PLCB2: variants seen among roughly 807,000 people sequenced by gnomAD.
PLCB2 encodes the protein phospholipase C beta 2.
In PLCB2, 115 loss-of-function variants were observed where a neutral mutation model predicts 141.7. That is an observed-to-expected ratio of 0.81 (90% CI 0.70 to 0.95). The LOEUF (loss-of-function observed/expected upper bound fraction) is 0.95, where lower values mean the gene tolerates loss of function less well. PLCB2 is among the 40% of genes least tolerant of loss of function. PLCB2 has a pLI of 0.00. For synonymous variants in PLCB2, 603 were observed against 595.6 expected (o/e 1.01, Z -0.18); for missense variants, 1,403 against 1,541.1 (o/e 0.91, Z 1.50).
At position 40,295,220 on chromosome 15, in the gene PLCB2, C is replaced by G. The variant is rs2040145105; in HGVS notation, c.1762G>C (p.Ala588Pro). 1 of 1,613,902 alleles carries G rather than the reference C, an allele frequency of 6.2e-7. No homozygotes were observed. Among genetic ancestry groups the G allele is most frequent in the South Asian group, 1.1e-5 (1 of 91,074 alleles). The change falls in exon 17 of 32, where the codon GCC becomes CCC. Residue 588 changes from alanine (A) to proline (P), a missense_variant. This residue lies in a region of PLCB2 where 975 missense variants were observed against 1,141.1 expected (regional missense o/e 0.85). Transcript: ENST00000260402. ...ELKAYDLLSK[A>P]SVQFVDYNKR... ...GGATACTCCACAAACTGCACCGAGG[C>G]CTTGGAGAGCAGGTCATATGCCTTG...
rs1315710639 is a variant in PLCB2 at position 40,292,930 on chromosome 15, A to G, written c.2322T>C (p.Asn774=). The G allele has an allele frequency of 1.3e-6, 2 of 1,598,762 alleles. No individual in the cohort carries two copies. The highest frequency in any genetic ancestry group is 1.1e-5 in the South Asian group (1 of 89,694). The change falls in exon 21 of 32, where the codon AAT becomes AAC. Residue 774 remains asparagine, a synonymous_variant. Coordinates refer to ENST00000260402, the MANE Select transcript of PLCB2 (RefSeq NM_004573.3). ...GTGAAGGACCCCACTCCTTACCAGA[A>G]TTTAGGGCATTGATGGGGATGATGC... The part of the protein sequence containing the change: ...GHRIIPINAL[N]SGYHHLCLHS...
chr15:40,303,217 A>G (rs2040611433), intron 3 of PLCB2, 71 bp downstream of exon 3: 6 of 1,141,856 alleles, frequency 5.3e-6, no homozygotes, highest in Admixed American at 3.4e-5. Flanking sequence ...CCACCCGCAC[A>G]GGGACCCCTG....
At chr15:40,301,350 C>T in intron 7 of PLCB2, 1 of 585,492 alleles carries the variant, frequency 1.7e-6, no homozygotes, top group African/African-American at 1.9e-5. Flanking sequence ...TGAAGCCTAG[C>T]TCAGGGCCAT....
intron 1 of PLCB2, among the ~76,000 whole-genome samples, chr15:40,307,112 C>T (rs1311006356): frequency 4.6e-5 from 7 of 152,144 alleles, no homozygotes; most frequent in African/African-American, 1.7e-4. Context: ...TTGTGGCTGC[C>T]CCCACAGCAG....
chr15:40,292,697 C>T (rs2040001683), intron 21 of PLCB2, among the ~76,000 whole-genome samples: 1 of 152,192 alleles, frequency 6.6e-6, no homozygotes, highest in African/African-American at 2.4e-5. Flanking sequence ...CCATAAGTGT[C>T]AGCTACTTGA....
At position 40,304,098 on chromosome 15, in the gene PLCB2, G is replaced by A; in HGVS notation, c.85-20C>T. ...AGTTTCCTGCAGAGAGAAGGAGCCA[G>A]CACTCTGTTCCAAGACCTCAGGCCA... On this transcript the variant is annotated intron_variant, in intron 1 of 31. Transcript: ENST00000260402. The A allele has an allele frequency of 1.3e-6, 2 of 1,561,266 alleles. No homozygotes were observed. The highest frequency in any genetic ancestry group is 2.3e-5 in the South Asian group (2 of 85,842).
chr15:40,294,885 G>T (rs1262639943), intron 18 of PLCB2, 51 bp downstream of exon 18: 1 of 1,612,156 alleles, frequency 6.2e-7, no homozygotes, highest in African/African-American at 1.3e-5. Context: ...TGTAAAGGTG[G>T]GGGGCGCAGG....
chr15:40,291,782 A>G (rs2039947172), intron 24 of PLCB2, 67 bp downstream of exon 24: 2 of 1,610,272 alleles, frequency 1.2e-6, no homozygotes, highest in Non-Finnish European at 1.7e-6. Flanking sequence ...GAAATTTTTT[A>G]AAGGGAAGTG....
chr15:40,291,347 G>A lies in PLCB2; in HGVS notation c.2788C>T (p.Gln930Ter). ...WEELLQRGAA[Q>*]LAELGPPGVG... ...CCCGGTGGCCCGAGCTCCGCCAGCT[G>A]CGCCGCGCCCCGCTGCAGCAGCTCC... is the stretch of plus-strand genomic sequence containing the variant. Residue 930 changes from glutamine to a stop codon, truncating the protein, a stop_gained, in exon 26 of 32, where the codon CAG becomes TAG. Coordinates refer to ENST00000260402, the MANE Select transcript of PLCB2 (RefSeq NM_004573.3). LOFTEE classifies it high-confidence loss of function. The A allele has an allele frequency of 4.6e-6, 7 of 1,525,726 alleles. No homozygotes were observed. Among genetic ancestry groups the A allele is most frequent in the Non-Finnish European group, 5.2e-6 (6 of 1,143,290 alleles). 94.5% of individuals were successfully genotyped at this position (1,525,726 alleles called of 1,614,324 possible). A position where few individuals can be genotyped will look rare whatever the true frequency, so the allele number is the denominator to read the frequency against.
intron 23 of PLCB2, 40 bp from the exon 24 acceptor site, chr15:40,291,964 CCTCT>C (rs1435943701): frequency 6.2e-7 from 1 of 1,609,396 alleles, no homozygotes; most frequent in Non-Finnish European, 8.5e-7. Context: ...GCTTGACAGC[CCTCT>C]CTCCCCGAGC....
In PLCB2 at chr15:40,303,325, C is replaced by T. The variant is rs780036197; in HGVS notation, c.194G>A (p.Arg65Gln). 74 of 1,613,648 alleles carry T rather than the reference C, an allele frequency of 4.6e-5. 1 individual carries two copies. In the South Asian group the frequency reaches 6.4e-4, roughly 14 times the overall value. Residue 65 changes from arginine to glutamine, a missense_variant, in exon 3 of 32, where the codon CGG becomes CAG. Physicochemically the swap from Arg to Gln is conservative, Grantham distance 43. Around this residue, in one of 4 missense-constraint regions of PLCB2, gnomAD observed 975 missense variants for 1,141.1 expected, o/e 0.85. Coordinates refer to ENST00000260402, the MANE Select transcript of PLCB2 (RefSeq NM_004573.3). ...GGCAAACTTCCCAAAGCGAGTATCC[C>T]GGATGCTGGTGATATCCAGAAACTC... ...EMEFLDITSI[R>Q]DTRFGKFAKM... is the part of the protein sequence containing the mutation.
At chr15:40,287,455 G>A (rs546141098), downstream of PLCB2, among the ~76,000 whole-genome samples, 67 of 152,246 alleles carry the variant, frequency 4.4e-4, no homozygotes, top group South Asian at 0.013. Context: ...TCATGTCATC[G>A]GTGCAGTGAG....
rs2039950470 is a variant in PLCB2 at position 40,291,834 on chromosome 15, G to T, written c.2602+15C>A. 6.2e-7 allele frequency: 1 copy of T among 1,614,058 alleles called. No individual in the cohort carries two copies. Among genetic ancestry groups the T allele is most frequent in the Middle Eastern group, 1.6e-4 (1 of 6,062 alleles). On this transcript the variant is annotated intron_variant, in intron 24 of 31. Coordinates refer to ENST00000260402, the MANE Select transcript of PLCB2 (RefSeq NM_004573.3). ...TGGAGGTGCCCCCAGTAGGTGTGCGGACCGAAGCTCATACCTGGTGACCCA... is the reference window on the plus strand; with the variant it reads ...TGGAGGTGCCCCCAGTAGGTGTGCGTACCGAAGCTCATACCTGGTGACCCA...
rs749127993 is a variant in PLCB2 at position 40,289,250 on chromosome 15, G to A, written c.3354+22C>T. On this transcript the variant is annotated intron_variant, in intron 31 of 31. Transcript: ENST00000260402. The stretch of plus-strand genomic sequence containing the variant: ...CGGAACCCATTCAGTTCTGCTGGGG[G>A]TCCCAGTAGTGAACCTGTTACCTGC... 3.1e-6 allele frequency: 5 copies of A among 1,590,694 alleles called. No individual in the cohort carries two copies. The South Asian group carries it at 4.4e-5, about 14-fold the overall frequency.
At chr15:40,296,220 G>T in intron 16 of PLCB2, 76 bp downstream of exon 16, 1 of 1,145,436 alleles carries the variant, frequency 8.7e-7, no homozygotes, top group Non-Finnish European at 1.3e-6. Context: ...GATATTTATA[G>T]GCAGGGCCCC....
rs553929838 is a variant in PLCB2 at position 40,294,896 on chromosome 15, G to A, written c.1906+40C>T. On this transcript the variant is annotated intron_variant, in intron 18 of 31. Coordinates refer to ENST00000260402, the MANE Select transcript of PLCB2 (RefSeq NM_004573.3). ...AGGATGTAAAGGTGGGGGGCGCAGGGACCAGGGAAGGATTCTTAGGGGCCT... is the reference window on the plus strand; with the variant it reads ...AGGATGTAAAGGTGGGGGGCGCAGGAACCAGGGAAGGATTCTTAGGGGCCT... 11 of 1,613,432 alleles carry A rather than the reference G, an allele frequency of 6.8e-6. 1 individual carries two copies. In the South Asian group the frequency reaches 1.2e-4, roughly 18 times the overall value.
chr15:40,292,172 C>G lies in PLCB2; in HGVS notation c.2432-14G>C, dbSNP rs2039974354. ...CCACAGTGAGATCTGGGTGGGTGCA[C>G]AGGACATTACAACATAGTGTATATG... On this transcript the variant is annotated splice_polypyrimidine_tract_variant and intron_variant, in intron 22 of 31. Coordinates refer to ENST00000260402, the MANE Select transcript of PLCB2 (RefSeq NM_004573.3). 6.2e-7 allele frequency: 1 copy of G among 1,607,894 alleles called. No homozygotes were observed. The highest frequency in any genetic ancestry group is 8.5e-7 in the Non-Finnish European group (1 of 1,174,476).
rs1292096335 is a variant in PLCB2, at chr15:40,294,293, C to A, written c.2034G>T (p.Val678=). The change falls in exon 19 of 32, where the codon GTG becomes GTT. Residue 678 remains valine (V), a synonymous_variant. Coordinates refer to ENST00000260402, the MANE Select transcript of PLCB2 (RefSeq NM_004573.3). ...TAATGGAAAGGGTGGTGGCCACCAC[C>A]ACGTCGATGCGGTCCACTGAGAAGG... ...FNPFSVDRID[V]VVATTLSITV... is the part of the protein sequence containing the mutation. The A allele has an allele frequency of 3.1e-6, 5 of 1,613,870 alleles. No homozygotes were observed. Among genetic ancestry groups the A allele is most frequent in the African/African-American group, 2.7e-5 (2 of 74,926 alleles).
At position 40,291,877 on chromosome 15, in the gene PLCB2, C is replaced by T. The variant is rs775985946; in HGVS notation, c.2574G>A (p.Ala858=). 1.7e-5 allele frequency: 28 copies of T among 1,614,110 alleles called. No individual in the cohort carries two copies. The highest frequency in any genetic ancestry group is 3.3e-5 in the South Asian group (3 of 91,086). The change falls in exon 24 of 32, where the codon GCG becomes GCA. Residue 858 remains alanine (A), a synonymous_variant. Coordinates refer to ENST00000260402, the MANE Select transcript of PLCB2 (RefSeq NM_004573.3). ...GTGACCCATTGCTCGTTGGGGCCAA[C>T]GCCCCATTGACCTGGCTGGCAACTG... is the stretch of plus-strand genomic sequence containing the variant. The part of the protein sequence containing the change: ...ASPVASQVNG[A]LAPTSNGSPA...
Sources: gnomAD v4.1 joint callset for allele counts (sites outside exome capture counted in the v4.1 genomes callset) on GRCh38, gnomAD v4.1.1 for gene constraint, gnomAD v4.1.1 regional missense constraint, MANE v1.5 for transcripts, NCBI Gene and HGNC (gene_info 2026-07-23, HGNC 2026-07-21) for gene names.